The following ZNF337 variants were observed in gnomAD, a reference collection of about 807,000 sequenced individuals.
ZNF337 encodes zinc finger protein 337.
A neutral mutation model predicts 12.1 loss-of-function variants in ZNF337; 8 were observed. The ratio of observed to expected loss-of-function variants is 0.66; its 90% CI spans 0.39 to 1.19. The LOEUF (loss-of-function observed/expected upper bound fraction) is 1.19, where lower values mean the gene tolerates loss of function less well. Among genes scored for constraint, ZNF337 ranks in the 50% most tolerant of loss-of-function variants. The pLI, the probability that ZNF337 is intolerant of heterozygous loss-of-function variation, is 0.01. For synonymous variants in ZNF337, 336 were observed against 320.0 expected (o/e 1.05, Z -0.53); for missense variants, 882 against 896.6 (o/e 0.98, Z 0.21).
chr20:25,676,714 T>C lies in ZNF337; in HGVS notation c.574A>G (p.Lys192Glu), dbSNP rs762862339. 2 of 1,614,252 alleles carry C rather than the reference T, an allele frequency of 1.2e-6. No individual in the cohort carries two copies. Among genetic ancestry groups the C allele is most frequent in the Non-Finnish European group, 1.7e-6 (2 of 1,180,048 alleles). The change falls in exon 5 of 5, where the codon AAG becomes GAG. Residue 192 changes from lysine (K) to glutamate (E), a missense_variant. Transcript: ENST00000252979. ...TTTTTGTGTATGATTACCATCATCT[T>C]CCGGCTGAAGTCTTGCCCACGCTCT... ...CAERGQDFSR[K>E]MMVIIHKKAH...
rs762226095 is a variant in ZNF337, at chr20:25,675,666, TCTC to T, written c.1619_1621del (p.Gly540del). On this transcript the variant is annotated inframe_deletion, in exon 5 of 5. Transcript: ENST00000252979. ...ACACTGCTTGCACATGAAGGGCTTC[TCTC>T]CTGAGTGTGTCCTCTGATGTATGGT... 5 of 1,614,052 alleles carry T rather than the reference TCTC, an allele frequency of 3.1e-6. No homozygotes were observed. Among genetic ancestry groups the T allele is most frequent in the East Asian group, 2.2e-5 (1 of 44,876 alleles).
In ZNF337 at chr20:25,696,748, G is replaced by A. The variant is rs1296478931; in HGVS notation, c.-50+11C>T. ...GCGCTGCAGAGAGGGACCCGCAGGA[G>A]CGCAGCTCACCGGGGCGGCTGAGGG... On this transcript the variant is annotated intron_variant, in intron 1 of 4. Coordinates refer to ENST00000252979, the MANE Select transcript of ZNF337 (RefSeq NM_015655.4). 8 of 985,372 alleles carry A rather than the reference G, an allele frequency of 8.1e-6. No individual in the cohort carries two copies. Among genetic ancestry groups the A allele is most frequent in the South Asian group, 9.4e-5 (2 of 21,296 alleles). The allele number at this position is 985,372 out of a possible 1,614,324, so 61.0% of individuals were successfully genotyped here. A position where few individuals can be genotyped will look rare whatever the true frequency, so the allele number is the denominator to read the frequency against.
chr20:25,691,507 C>T (rs1600451934), intron 1 of ZNF337, among the ~76,000 whole-genome samples: 1 of 152,232 alleles, frequency 6.6e-6, no homozygotes, highest in Middle Eastern at 3.4e-3. Context: ...TACATGAAAC[C>T]AGCTTCAGGA....
chr20:25,696,773 G>A lies in ZNF337; in HGVS notation c.-64C>T. 2 of 985,526 alleles carry A rather than the reference G, an allele frequency of 2.0e-6. No individual in the cohort carries two copies. Among genetic ancestry groups the A allele is most frequent in the Non-Finnish European group, 2.4e-6 (2 of 829,986 alleles). 61.0% of individuals were successfully genotyped at this position (985,526 alleles called of 1,614,324 possible). A position where few individuals can be genotyped will look rare whatever the true frequency, so the allele number is the denominator to read the frequency against. On this transcript the variant is annotated 5_prime_UTR_variant, in exon 1 of 5. Coordinates refer to ENST00000252979, the MANE Select transcript of ZNF337 (RefSeq NM_015655.4). ...GCGCAGCTCACCGGGGCGGCTGAGGGCGAACCGAGGCGGTGAGGTCACCGA... is the reference window on the plus strand; with the variant it reads ...GCGCAGCTCACCGGGGCGGCTGAGGACGAACCGAGGCGGTGAGGTCACCGA...
At chr20:25,696,087 T>TGC (rs1491195722) in intron 1 of ZNF337, among the ~76,000 whole-genome samples, 2 of 52,120 alleles carry the variant, frequency 3.8e-5, no homozygotes, top group African/African-American at 6.3e-5. Context: ...CCCACGCAGA[T>TGC]CCCCCCCCCC....
chr20:25,684,009 A>C (rs1260972474), intron 4 of ZNF337, among the ~76,000 whole-genome samples: 2 of 152,080 alleles, frequency 1.3e-5, no homozygotes, highest in Non-Finnish European at 2.9e-5. Flanking sequence ...TACACCATGG[A>C]ATACTATGCA....
chr20:25,677,169 A>C, intron 4 of ZNF337, 132 bp from the exon 5 acceptor site: 1 of 795,192 alleles, frequency 1.3e-6, no homozygotes, highest in Middle Eastern at 3.6e-4. Flanking sequence ...AATTCTTCTC[A>C]AACTATTCCA....
In ZNF337 at chr20:25,696,766, G is replaced by A; in HGVS notation, c.-57C>T. 1 of 985,540 alleles carries A rather than the reference G, an allele frequency of 1.0e-6. No individual in the cohort carries two copies. The highest frequency in any genetic ancestry group is 5.2e-4 in the Middle Eastern group (1 of 1,914). The allele number at this position is 985,540 out of a possible 1,614,324, so 61.0% of individuals were successfully genotyped here. On this transcript the variant is annotated 5_prime_UTR_variant, in exon 1 of 5. Transcript: ENST00000252979. ...CGCAGGAGCGCAGCTCACCGGGGCG[G>A]CTGAGGGCGAACCGAGGCGGTGAGG...
Position 25,686,057 on chromosome 20 carries a change from A to G in ZNF337, c.93T>C (p.Pro31=). ...CCTCCCTGTACAGGGCCCTCTGAGC[A>G]GGGCTCAGCAGCCTCCATTCCTTCT... ...FTQKEWRLLS[P]AQRALYREVT... is the part of the protein sequence containing the mutation. The change falls in exon 3 of 5, where the codon CCT becomes CCC. Residue 31 remains proline (P), a synonymous_variant. Transcript: ENST00000252979. The G allele has an allele frequency of 6.2e-7, 1 of 1,614,094 alleles. No individual in the cohort carries two copies. Among genetic ancestry groups the G allele is most frequent in the Non-Finnish European group, 8.5e-7 (1 of 1,179,976 alleles).
chr20:25,684,761 G>T (rs2065807682), intron 4 of ZNF337, among the ~76,000 whole-genome samples: 1 of 152,204 alleles, frequency 6.6e-6, no homozygotes, highest in Non-Finnish European at 1.5e-5. Flanking sequence ...TAAAGAAAAT[G>T]TGGCACATAT....
chr20:25,676,545 T>A lies in ZNF337; in HGVS notation c.743A>T (p.Lys248Met). The change falls in exon 5 of 5, where the codon AAG becomes ATG. Residue 248 changes from lysine to methionine, a missense_variant. Lys to Met is a moderately conservative substitution (Grantham distance 95, BLOSUM62 -1). Transcript: ENST00000252979. ...CSVCGRGFSL[K>M]ANLLRHQRTH... ...CCTCTGGTGTCTGAGGAGGTTGGCCTTGAGGCTGAAGCCTCGCCCACACAC... is the reference window on the plus strand; with the variant it reads ...CCTCTGGTGTCTGAGGAGGTTGGCCATGAGGCTGAAGCCTCGCCCACACAC... 1 of 1,614,200 alleles carries A rather than the reference T, an allele frequency of 6.2e-7. No individual in the cohort carries two copies. The highest frequency in any genetic ancestry group is 8.5e-7 in the Non-Finnish European group (1 of 1,180,026).
chr20:25,688,900 G>A (rs1194406064), intron 1 of ZNF337, among the ~76,000 whole-genome samples: 4 of 152,022 alleles, frequency 2.6e-5, no homozygotes, highest in Non-Finnish European at 5.9e-5. Flanking sequence ...AGGCTGAGGC[G>A]GGCCTCCTCC....
chr20:25,692,283 G>A (rs1380322098), intron 1 of ZNF337, among the ~76,000 whole-genome samples: 1 of 152,192 alleles, frequency 6.6e-6, no homozygotes, highest in Non-Finnish European at 1.5e-5. Flanking sequence ...GGTAATGAGT[G>A]AAATTAATAC....
intron 1 of ZNF337, among the ~76,000 whole-genome samples, chr20:25,694,001 G>A (rs78167115): frequency 0.023 from 3,477 of 152,222 alleles, 126 homozygotes; most frequent in African/African-American, 0.079. Context: ...AAAACTTTAC[G>A]CAGGTTCCTG....
chr20:25,696,292 C>A (rs1248132921), intron 1 of ZNF337, among the ~76,000 whole-genome samples: 2 of 152,162 alleles, frequency 1.3e-5, no homozygotes, highest in Non-Finnish European at 1.5e-5. Context: ...GGAGGGAACC[C>A]GAGTCGGACC....
intron 4 of ZNF337, chr20:25,681,224 A>G (rs1271939065): frequency 6.6e-6 from 1 of 152,196 alleles, no homozygotes; most frequent in Non-Finnish European, 1.5e-5. Context: ...AACTGTACGA[A>G]ATAAATGTCT....
Position 25,676,082 on chromosome 20 carries a change from C to T in ZNF337, c.1206G>A (p.Lys402=), listed in dbSNP as rs993504336. 1.2e-6 allele frequency: 2 copies of T among 1,613,986 alleles called. No individual in the cohort carries two copies. Among genetic ancestry groups the T allele is most frequent in the African/African-American group, 2.7e-5 (2 of 74,896 alleles). ...GCTCACAATCCTTGCACACAAAAGG[C>T]TTCTCCCCTGAGTGTGTTCTCTGGT... The part of the protein sequence containing the change: ...LRHQRTHSGE[K]PFVCKDCERS... Residue 402 remains lysine (K), a synonymous_variant, in exon 5 of 5, where the codon AAG becomes AAA. Coordinates refer to ENST00000252979, the MANE Select transcript of ZNF337 (RefSeq NM_015655.4).
In ZNF337 at chr20:25,676,792, C is replaced by T. The variant is rs749086592; in HGVS notation, c.496G>A (p.Asp166Asn). 6.2e-7 allele frequency: 1 copy of T among 1,614,196 alleles called. No homozygotes were observed. The highest frequency in any genetic ancestry group is 8.5e-7 in the Non-Finnish European group (1 of 1,180,026). ...TTTTCTATTCCTTTCAATACTTTGT[C>T]TATTTCTGTAGGATTTTCCCTCTGG... ...QGQRENPTEI[D>N]KVLKGIENSR... The change falls in exon 5 of 5, where the codon GAC (aspartate) becomes AAC (asparagine). Residue 166 changes from aspartate (D) to asparagine (N), a missense_variant. By Grantham distance (23) the Asp-to-Asn change is conservative. Coordinates refer to ENST00000252979, the MANE Select transcript of ZNF337 (RefSeq NM_015655.4).
Position 25,675,907 on chromosome 20 carries a change from C to A in ZNF337, c.1381G>T (p.Val461Leu), listed in dbSNP as rs1283903478. ...AAGCCTCGTCCACAGTCCTTGCACA[C>A]AAAAGGCTTCTCCTCTGAGTGTGTG... ...QITHSEEKPF[V>L]CKDCGRGFIQ... is the part of the protein sequence containing the mutation. Residue 461 changes from valine (V) to leucine (L), a missense_variant, in exon 5 of 5, where the codon GTG becomes TTG. Coordinates refer to ENST00000252979, the MANE Select transcript of ZNF337 (RefSeq NM_015655.4). 1 of 1,613,464 alleles carries A rather than the reference C, an allele frequency of 6.2e-7. No homozygotes were observed. The highest frequency in any genetic ancestry group is 8.5e-7 in the Non-Finnish European group (1 of 1,179,916).
Sources: allele counts gnomAD v4.1 joint callset (sites outside exome capture counted in the v4.1 genomes callset), GRCh38; gene constraint gnomAD v4.1.1; transcripts MANE v1.5; gene names NCBI Gene and HGNC (gene_info 2026-07-23, HGNC 2026-07-21).